Variants in DOCK1 observed in about 807,000 individuals in gnomAD.
DOCK1 encodes the protein dedicator of cytokinesis 1, also known as dedicator of cytokinesis protein 1.
DOCK1 carries 138 observed loss-of-function variants against 262.7 expected under a neutral mutation model. The observed-to-expected ratio is 0.53, with a 90% CI of 0.46 to 0.61. DOCK1 has a LOEUF of 0.61. Among genes scored for constraint, DOCK1 ranks in the 20% least tolerant of loss-of-function variants. The pLI is 0.00. For missense variants in DOCK1, 1,908 were observed against 2,370.7 expected (o/e 0.80, Z 4.05); for synonymous variants, 866 against 867.4 (o/e 1.00, Z 0.03).
intron 50 of DOCK1, among the ~76,000 whole-genome samples, chr10:127,445,956 G>T (rs758922975): frequency 1.3e-5 from 2 of 152,158 alleles, no homozygotes; most frequent in Non-Finnish European, 2.9e-5. Context: ...AATATCTAAG[G>T]CAAGTTCATA....
chr10:127,348,735 C>T (rs1461630323), intron 31 of DOCK1, among the ~76,000 whole-genome samples: 2 of 152,126 alleles, frequency 1.3e-5, no homozygotes, highest in African/African-American at 4.8e-5. Context: ...ATATCCCCAT[C>T]TGACCAAACA....
intron 47 of DOCK1, among the ~76,000 whole-genome samples, chr10:127,431,326 G>A (rs1054868254): frequency 9.9e-5 from 15 of 152,170 alleles, no homozygotes; most frequent in African/African-American, 3.4e-4. Context: ...GCGGCAGACC[G>A]CCCAGTAAAC....
chr10:126,915,412 C>A (rs2032347884), intron 1 of DOCK1, among the ~76,000 whole-genome samples: 1 of 126,610 alleles, frequency 7.9e-6, no homozygotes, highest in African/African-American at 2.9e-5. Flanking sequence ...CTCAATGTGT[C>A]TTTTTCTTTT....
chr10:127,360,391 A>C (rs1019678215), intron 32 of DOCK1, among the ~76,000 whole-genome samples: 1 of 152,206 alleles, frequency 6.6e-6, no homozygotes, highest in African/African-American at 2.4e-5. Context: ...CCACCACATC[A>C]GGCCCAGCTG....
chr10:127,438,345 C>T (rs910823578), intron 48 of DOCK1, among the ~76,000 whole-genome samples: 3 of 152,234 alleles, frequency 2.0e-5, no homozygotes, highest in Non-Finnish European at 4.4e-5. Context: ...TGTGTCTTTA[C>T]AGCAACTGTG....
In DOCK1 at chr10:127,451,468, A is replaced by G; in HGVS notation, c.*41A>G. On this transcript the variant is annotated 3_prime_UTR_variant, in exon 52 of 52. Transcript: ENST00000623213. ...TGGAAAGAGTGTGCTGCCCCTCCCC[A>G]TCTCCATGCCCTCTCCTTCTGTGTC... is the stretch of plus-strand genomic sequence containing the variant. 6.4e-7 allele frequency: 1 copy of G among 1,551,632 alleles called. No homozygotes were observed. Among genetic ancestry groups the G allele is most frequent in the Non-Finnish European group, 8.7e-7 (1 of 1,147,914 alleles).
intron 33 of DOCK1, among the ~76,000 whole-genome samples, chr10:127,369,177 C>T (rs2065080114): frequency 6.6e-6 from 1 of 152,218 alleles, no homozygotes; most frequent in African/African-American, 2.4e-5. Context: ...GTCAGCGGCT[C>T]TGCCACTTGG....
intron 23 of DOCK1, among the ~76,000 whole-genome samples, chr10:127,087,097 C>T (rs1005815720): frequency 6.6e-6 from 1 of 152,126 alleles, no homozygotes; most frequent in South Asian, 2.1e-4. Context: ...TGTGGTCAGG[C>T]TGGTGGAAGG....
intron 23 of DOCK1, among the ~76,000 whole-genome samples, chr10:127,078,362 G>A (rs1325137120): frequency 1.3e-5 from 2 of 152,246 alleles, no homozygotes; most frequent in African/African-American, 4.8e-5. Context: ...CTTACAAGGA[G>A]CCCCTTTGGG....
intron 46 of DOCK1, among the ~76,000 whole-genome samples, chr10:127,420,978 G>A (rs973671513): frequency 9.9e-5 from 15 of 151,982 alleles, no homozygotes; most frequent in East Asian, 3.9e-4. Context: ...GTGCAGTAGC[G>A]TGACCTCAGC....
chr10:126,997,943 G>T (rs938163578), intron 7 of DOCK1, 149 bp from the exon 8 acceptor site: 1 of 964,606 alleles, frequency 1.0e-6, no homozygotes, highest in Non-Finnish European at 1.5e-6. Context: ...TTAAGAATGT[G>T]CAGGGGAGAT....
intron 23 of DOCK1, among the ~76,000 whole-genome samples, chr10:127,086,098 ACT>A (rs1169920631): frequency 1.3e-5 from 2 of 151,994 alleles, no homozygotes; most frequent in Admixed American, 6.6e-5. Context: ...GGAGTTCGTG[ACT>A]CGGTGCGGGG....
At chr10:126,970,638 A>C (rs11016943) in intron 1 of DOCK1, 64 bp from the exon 2 acceptor site, 76,713 of 1,308,704 alleles carry the variant, frequency 0.059, 2,513 homozygotes, top group Middle Eastern at 0.098. Flanking sequence ...ACAAGCCAAC[A>C]CGACTCAGCA....
intron 25 of DOCK1, among the ~76,000 whole-genome samples, chr10:127,116,502 C>T (rs1241856166): frequency 1.3e-5 from 2 of 152,102 alleles, no homozygotes; most frequent in Non-Finnish European, 2.9e-5. Flanking sequence ...ACACTATTAT[C>T]ATTGTGATTT....
At chr10:126,932,676 G>T (rs893445776) in intron 1 of DOCK1, among the ~76,000 whole-genome samples, 5 of 152,128 alleles carry the variant, frequency 3.3e-5, no homozygotes, top group Non-Finnish European at 5.9e-5. Flanking sequence ...GCCCTTTGTG[G>T]TAGGTAAGGG....
Position 127,113,591 on chromosome 10 carries a change from C to T in DOCK1, c.2623+3237C>T, listed in dbSNP as rs867621726. Among the ~76,000 whole-genome samples the T allele has an allele frequency of 4.6e-5, 7 of 152,326 alleles. No homozygotes were observed. The South Asian group carries it at 6.2e-4, about 14-fold the overall frequency. ...CTGGGTCCCAGTAGGCCAGGCCTTA[C>T]AGTGCCTTGGTTGTTTCTGGCCTTG... On this transcript the variant is annotated intron_variant, in intron 25 of 51. Transcript: ENST00000623213.
At chr10:127,014,621 A>C (rs1393097170) in intron 12 of DOCK1, among the ~76,000 whole-genome samples, 1 of 152,172 alleles carries the variant, frequency 6.6e-6, no homozygotes, top group African/African-American at 2.4e-5. Flanking sequence ...ATCTTTCTGT[A>C]AGATATATTT....
At chr10:127,180,810 C>T (rs1262895856) in intron 27 of DOCK1, among the ~76,000 whole-genome samples, 4 of 152,040 alleles carry the variant, frequency 2.6e-5, no homozygotes, top group Non-Finnish European at 4.4e-5. Flanking sequence ...TAGAAAAACA[C>T]GAAATAATGT....
intron 29 of DOCK1, among the ~76,000 whole-genome samples, chr10:127,306,370 G>C (rs2061876616): frequency 6.6e-6 from 1 of 152,068 alleles, no homozygotes; most frequent in Non-Finnish European, 1.5e-5. Flanking sequence ...CCTCAAAAGG[G>C]GGCTGTGAGA....
Sources: gnomAD v4.1 joint callset for allele counts (sites outside exome capture counted in the v4.1 genomes callset) on GRCh38, gnomAD v4.1.1 for gene constraint, MANE v1.5 for transcripts, NCBI Gene and HGNC (gene_info 2026-07-23, HGNC 2026-07-21) for gene names.